SCARA3: variants seen among roughly 807,000 people sequenced by gnomAD.
SCARA3 encodes the protein cellular stress response gene protein.
Under a neutral mutation model 47.0 loss-of-function variants are expected in SCARA3, and 39 were observed. The ratio of observed to expected loss-of-function variants is 0.83; its 90% CI spans 0.64 to 1.08. The LOEUF is 1.08. SCARA3 is among the 50% of genes least tolerant of loss of function. The pLI, the probability that SCARA3 is intolerant of heterozygous loss-of-function variation, is 0.00. For missense variants in SCARA3, 724 were observed against 792.3 expected (o/e 0.91, Z 1.04); for synonymous variants, 356 against 334.1 (o/e 1.07, Z -0.71).
chr8:27,649,966 G>A (rs992891126), intron 2 of SCARA3, among the ~76,000 whole-genome samples, 166 bp downstream of exon 2: 8 of 152,122 alleles, frequency 5.3e-5, no homozygotes, highest in Admixed American at 2.0e-4. Context: ...GGCCCTGGGC[G>A]TGCAGTACCA....
the SCARA3 span, among the ~76,000 whole-genome samples, chr8:27,692,778 C>G: frequency 6.6e-6 from 1 of 152,146 alleles, no homozygotes; most frequent in Non-Finnish European, 1.5e-5. Context: ...CCCAGACACT[C>G]CTTTCTATTG....
chr8:27,696,609 C>T, the SCARA3 span, among the ~76,000 whole-genome samples: 35 of 125,352 alleles, frequency 2.8e-4, no homozygotes, highest in East Asian at 8.4e-3. Flanking sequence ...ACCAACACAC[C>T]TGGCTAATTT....
chr8:27,720,627 T>C, the SCARA3 span, among the ~76,000 whole-genome samples: 2 of 147,202 alleles, frequency 1.4e-5, no homozygotes, highest in African/African-American at 5.0e-5. Flanking sequence ...TCTCCATCCA[T>C]CCATCCATCC....
chr8:27,667,362 C>T (rs1377530601), intron 5 of SCARA3, among the ~76,000 whole-genome samples: 1 of 152,196 alleles, frequency 6.6e-6, no homozygotes, highest in African/African-American at 2.4e-5. Context: ...GACCCCAAAG[C>T]ACTCTTTAGA....
chr8:27,732,268 C>T, the SCARA3 span, among the ~76,000 whole-genome samples: 6 of 152,122 alleles, frequency 3.9e-5, no homozygotes, highest in African/African-American at 1.4e-4. Context: ...TTGACACCCA[C>T]TCACCAGGCT....
the SCARA3 span, among the ~76,000 whole-genome samples, chr8:27,691,970 C>A: frequency 6.6e-5 from 10 of 152,088 alleles, no homozygotes; most frequent in African/African-American, 2.4e-4. Context: ...TCCAAACCCC[C>A]CAAACAAAGG....
downstream of SCARA3, among the ~76,000 whole-genome samples, chr8:27,680,967 C>G (rs957766334): frequency 1.3e-5 from 2 of 152,116 alleles, no homozygotes; most frequent in Non-Finnish European, 2.9e-5. Flanking sequence ...AAATTCTCAG[C>G]AGACTAGGAA....
At chr8:27,728,564 C>A in the SCARA3 span, among the ~76,000 whole-genome samples, 2 of 152,148 alleles carry the variant, frequency 1.3e-5, no homozygotes, top group African/African-American at 2.4e-5. Flanking sequence ...CTGGAGGGGC[C>A]GTCGCTGGGG....
chr8:27,642,997 G>T (rs1177358946), intron 1 of SCARA3, among the ~76,000 whole-genome samples: 3 of 152,096 alleles, frequency 2.0e-5, no homozygotes. Flanking sequence ...CTAGGTTCTT[G>T]TCTCAACTAG....
At chr8:27,710,915 ATTTT>A in the SCARA3 span, among the ~76,000 whole-genome samples, 1,410 of 96,762 alleles carry the variant, frequency 0.015, 10 homozygotes, top group Middle Eastern at 0.08. Context: ...CTCATAGGTG[ATTTT>A]TTTTTTTTTT....
chr8:27,731,056 A>T, the SCARA3 span, among the ~76,000 whole-genome samples: 1 of 147,942 alleles, frequency 6.8e-6, no homozygotes, highest in Non-Finnish European at 1.5e-5. Context: ...AGCTAAAATG[A>T]GGGGAGATTT....
Position 27,651,507 on chromosome 8 carries a change from G to A in SCARA3, c.107-1G>A. ...CATTGTCCTCCTTGTGTCCCCCACA[G>A]GCCGGCCAGGGCCCCGCTGCAGCCG... On this transcript the variant is annotated splice_acceptor_variant, in intron 2 of 5. Transcript: ENST00000301904. LOFTEE classifies it high-confidence loss of function. 6.2e-7 allele frequency: 1 copy of A among 1,611,494 alleles called. No homozygotes were observed. Among genetic ancestry groups the A allele is most frequent in the East Asian group, 2.2e-5 (1 of 44,876 alleles).
chr8:27,707,635 G>C, the SCARA3 span, among the ~76,000 whole-genome samples: 2 of 151,910 alleles, frequency 1.3e-5, no homozygotes, highest in Non-Finnish European at 2.9e-5. Context: ...TCCAGAAAGA[G>C]AGAGAGAAAA....
chr8:27,676,539 G>A (rs1169334666), downstream of SCARA3: 1 of 1,609,116 alleles, frequency 6.2e-7, no homozygotes, highest in Admixed American at 1.7e-5. Flanking sequence ...TTAAATATTA[G>A]AACATCTCAA....
At chr8:27,646,212 C>G (rs373337198) in intron 1 of SCARA3, among the ~76,000 whole-genome samples, 1 of 152,130 alleles carries the variant, frequency 6.6e-6, no homozygotes, top group Non-Finnish European at 1.5e-5. Context: ...GCCAAACACC[C>G]GTGGTCCCCC....
chr8:27,710,877 T>A, the SCARA3 span, among the ~76,000 whole-genome samples: 1 of 151,910 alleles, frequency 6.6e-6, no homozygotes, highest in East Asian at 1.9e-4. Flanking sequence ...GATCTATAGA[T>A]GTGAGATATG....
chr8:27,664,702 T>C (rs1202797334), intron 5 of SCARA3, among the ~76,000 whole-genome samples: 1 of 152,070 alleles, frequency 6.6e-6, no homozygotes, highest in Non-Finnish European at 1.5e-5. Flanking sequence ...CACTTGCTGC[T>C]GTCCTAGTCA....
At chr8:27,709,020 G>C in the SCARA3 span, among the ~76,000 whole-genome samples, 4 of 152,150 alleles carry the variant, frequency 2.6e-5, no homozygotes, top group Non-Finnish European at 5.9e-5. Flanking sequence ...CTTCTGGGTA[G>C]GAAGCACAGA....
chr8:27,660,123 C>T (rs1801862735), intron 5 of SCARA3, among the ~76,000 whole-genome samples: 1 of 151,880 alleles, frequency 6.6e-6, no homozygotes, highest in Admixed American at 6.5e-5. Context: ...GAGGCTGTCA[C>T]TCTGAAAAAC....
Sources: allele counts gnomAD v4.1 joint callset (sites outside exome capture counted in the v4.1 genomes callset), GRCh38; gene constraint gnomAD v4.1.1; transcripts MANE v1.5; gene names NCBI Gene and HGNC (gene_info 2026-07-23, HGNC 2026-07-21).